DTNBP1: variants seen among roughly 807,000 people sequenced by gnomAD.
DTNBP1 encodes the protein dystrobrevin binding protein 1, also known as dysbindin.
Under a neutral mutation model 42.8 loss-of-function variants are expected in DTNBP1, and 35 were observed. That is an observed-to-expected ratio of 0.82 (90% CI 0.63 to 1.09). The LOEUF (loss-of-function observed/expected upper bound fraction) is 1.09, where lower values mean the gene tolerates loss of function less well. Among genes scored for constraint, DTNBP1 ranks in the 50% least tolerant of loss-of-function variants. DTNBP1 has a pLI of 0.00. For synonymous variants in DTNBP1, 171 were observed against 162.2 expected (o/e 1.05, Z -0.41); for missense variants, 457 against 424.2 (o/e 1.08, Z -0.68).
chr6:15,523,201 C>G lies in DTNBP1; in HGVS notation c.830G>C (p.Cys277Ser), dbSNP rs992477667. The G allele has an allele frequency of 6.2e-7, 1 of 1,614,096 alleles. No individual in the cohort carries two copies. Among genetic ancestry groups the G allele is most frequent in the Admixed American group, 1.7e-5 (1 of 60,016 alleles). The change falls in exon 10 of 10, where the codon TGT becomes TCT. Residue 277 changes from cysteine to serine, a missense_variant. Physicochemically the swap from Cys to Ser is moderately radical, Grantham distance 112. Coordinates refer to ENST00000344537, the MANE Select transcript of DTNBP1 (RefSeq NM_032122.5). ...SPALGPESSTCQNEITLQVPN... is the reference protein window; with the variant it reads ...SPALGPESSTSQNEITLQVPN... ...AACCTGGAGGGTAATCTCATTCTGA[C>G]AGGTACTGGATTCAGGCCCTGCAAA... is the stretch of plus-strand genomic sequence containing the variant.
At chr6:15,588,721 T>C (rs1428158047) in intron 7 of DTNBP1, among the ~76,000 whole-genome samples, 1 of 152,210 alleles carries the variant, frequency 6.6e-6, no homozygotes. Context: ...AGGCAAATTA[T>C]TTGTGGCTCC....
chr6:15,522,917 A>G lies in DTNBP1; in HGVS notation c.*58T>C. ...AAAACAACCTGGCTTTCCAGGTGGA[A>G]TTCCGCATACAGCCAAAACTGGATT... On this transcript the variant is annotated 3_prime_UTR_variant, in exon 10 of 10. Coordinates refer to ENST00000344537, the MANE Select transcript of DTNBP1 (RefSeq NM_032122.5). 1.2e-6 allele frequency: 2 copies of G among 1,614,072 alleles called. No individual in the cohort carries two copies. The highest frequency in any genetic ancestry group is 1.7e-6 in the Non-Finnish European group (2 of 1,180,026).
intron 7 of DTNBP1, among the ~76,000 whole-genome samples, chr6:15,575,559 C>T (rs191156459): frequency 1.5e-4 from 23 of 152,212 alleles, no homozygotes; most frequent in African/African-American, 5.1e-4. Context: ...GAAAAGTGAC[C>T]CCTGGAAAAG....
chr6:15,625,443 AAG>A (rs1759285034), intron 5 of DTNBP1, among the ~76,000 whole-genome samples: 1 of 152,228 alleles, frequency 6.6e-6, no homozygotes, highest in Non-Finnish European at 1.5e-5. Flanking sequence ...ATTACTAAAA[AAG>A]AGAGGATTCA....
At chr6:15,559,626 A>C (rs1293691417) in intron 7 of DTNBP1, among the ~76,000 whole-genome samples, 1 of 152,182 alleles carries the variant, frequency 6.6e-6, no homozygotes, top group African/African-American at 2.4e-5. Context: ...CAGCATAACC[A>C]TTATATATGA....
chr6:15,641,462 G>A (rs1760348406), intron 3 of DTNBP1, among the ~76,000 whole-genome samples: 2 of 152,134 alleles, frequency 1.3e-5, no homozygotes, highest in Non-Finnish European at 2.9e-5. Flanking sequence ...GTAGGTGGGA[G>A]TAGTTCTCTG....
intron 1 of DTNBP1, among the ~76,000 whole-genome samples, chr6:15,653,779 C>T (rs1359113760): frequency 6.6e-6 from 1 of 152,202 alleles, no homozygotes; most frequent in Non-Finnish European, 1.5e-5. Flanking sequence ...ATATAGGCCA[C>T]AGTACTACTG....
Position 15,564,505 on chromosome 6 carries a change from C to T in DTNBP1, c.511+28554G>A, listed in dbSNP as rs139000526. ...TCACTGCAGCCTCTGCCTCCTGGGTCCAAGCGATTCTCATGCCTCAGCCTC... is the reference window on the plus strand; with the variant it reads ...TCACTGCAGCCTCTGCCTCCTGGGTTCAAGCGATTCTCATGCCTCAGCCTC... On this transcript the variant is annotated intron_variant, in intron 7 of 9. Transcript: ENST00000344537. Among the ~76,000 whole-genome samples, 76 of 152,024 alleles carry T rather than the reference C, an allele frequency of 5.0e-4. 3 individuals are homozygous for T. In the East Asian group the frequency reaches 0.014, roughly 29 times the overall value.
intron 7 of DTNBP1, among the ~76,000 whole-genome samples, chr6:15,580,336 G>C (rs756088013): frequency 5.9e-5 from 9 of 152,148 alleles, no homozygotes; most frequent in Non-Finnish European, 1.0e-4. Flanking sequence ...CATTGCTAAT[G>C]AAAGTATAAA....
chr6:15,523,370 GGAAGACACTGAGCT>G, intron 9 of DTNBP1, 151 bp from the exon 10 acceptor site: 1 of 1,317,560 alleles, frequency 7.6e-7, no homozygotes, highest in Non-Finnish European at 1.1e-6. Flanking sequence ...GAACTGCCCT[GGAAGACACTGAGCT>G]GAGCGATGCC....
intron 1 of DTNBP1, among the ~76,000 whole-genome samples, chr6:15,655,209 G>T (rs990559319): frequency 6.6e-6 from 1 of 151,976 alleles, no homozygotes; most frequent in Admixed American, 6.6e-5. Flanking sequence ...GCAGCCTCAA[G>T]CTCCTGGCCT....
intron 6 of DTNBP1, among the ~76,000 whole-genome samples, chr6:15,607,010 A>ATTTTT (rs3045755): frequency 7.2e-5 from 10 of 138,056 alleles, no homozygotes; most frequent in Admixed American, 2.2e-4. Flanking sequence ...TCAAAAAAAA[A>ATTTTT]TTTTTTTTTT....
At chr6:15,523,840 A>T in intron 9 of DTNBP1, 1 of 1,286,996 alleles carries the variant, frequency 7.8e-7, no homozygotes, top group Non-Finnish European at 1.0e-6. Context: ...TTGCCAGGAG[A>T]AGCGGGTGAG....
chr6:15,609,694 T>C (rs16876690), intron 6 of DTNBP1, among the ~76,000 whole-genome samples: 334 of 152,342 alleles, frequency 2.2e-3, no homozygotes, highest in African/African-American at 7.8e-3. Flanking sequence ...TACTAGCTTA[T>C]AGTCTACGTA....
At chr6:15,646,216 C>A (rs556684955) in intron 3 of DTNBP1, among the ~76,000 whole-genome samples, 6 of 151,296 alleles carry the variant, frequency 4.0e-5, no homozygotes, top group Non-Finnish European at 3.0e-5. Flanking sequence ...CAACAACATT[C>A]AATCTGAGAA....
At chr6:15,650,283 A>T (rs992402972) in intron 3 of DTNBP1, among the ~76,000 whole-genome samples, 2 of 152,064 alleles carry the variant, frequency 1.3e-5, no homozygotes, top group African/African-American at 4.8e-5. Flanking sequence ...TTATTTATTT[A>T]TTTTTTGAGA....
At chr6:15,606,072 C>T (rs983491337) in intron 6 of DTNBP1, among the ~76,000 whole-genome samples, 1 of 152,248 alleles carries the variant, frequency 6.6e-6, no homozygotes, top group Non-Finnish European at 1.5e-5. Flanking sequence ...TCCTACTTTA[C>T]TGCACAAATG....
At chr6:15,577,756 T>C (rs1469614511) in intron 7 of DTNBP1, among the ~76,000 whole-genome samples, 3 of 152,076 alleles carry the variant, frequency 2.0e-5, no homozygotes, top group Non-Finnish European at 2.9e-5. Flanking sequence ...GCCAATAGCA[T>C]TGGGTGGTAT....
chr6:15,523,453 GAC>G (rs976829314), intron 9 of DTNBP1: 14 of 1,298,770 alleles, frequency 1.1e-5, no homozygotes, highest in African/African-American at 7.5e-5. Context: ...AGCCACATGT[GAC>G]ACAGATCAAG....
Sources: allele counts gnomAD v4.1 joint callset (sites outside exome capture counted in the v4.1 genomes callset), GRCh38; gene constraint gnomAD v4.1.1; transcripts MANE v1.5; gene names NCBI Gene and HGNC (gene_info 2026-07-23, HGNC 2026-07-21).